The following RNF157 variants were observed in gnomAD, a reference collection of about 807,000 sequenced individuals.
The protein encoded by RNF157 is E3 ubiquitin ligase RNF157.
A neutral mutation model predicts 88.3 loss-of-function variants in RNF157; 55 were observed. That is an observed-to-expected ratio of 0.62 (90% CI 0.50 to 0.78). The LOEUF (loss-of-function observed/expected upper bound fraction) is 0.78. RNF157 is among the 30% of genes least tolerant of loss of function. The probability of loss-of-function intolerance (pLI) is 0.00; values close to 1 mark genes in which losing one functional copy is unlikely to be tolerated. For missense variants in RNF157, 788 were observed against 860.8 expected (o/e 0.92, Z 1.06); for synonymous variants, 334 against 341.2 (o/e 0.98, Z 0.23).
chr17:76,178,024 C>T lies in RNF157; in HGVS notation c.208-4234G>A, dbSNP rs114825143. Among the ~76,000 whole-genome samples the T allele has an allele frequency of 3.3e-3, 503 of 152,322 alleles. 4 individuals are homozygous for T. The highest frequency in any genetic ancestry group is 0.011 in the African/African-American group (476 of 41,568). On this transcript the variant is annotated intron_variant, in intron 2 of 18. Transcript: ENST00000269391. ...TCCAAGGCTCAATAAGGCTCCTCTT[C>T]GTCTTGCTCACCCTATGTTTGTCTG...
In RNF157 at chr17:76,155,267, T is replaced by G; in HGVS notation, c.1749A>C (p.Gly583=). The part of the protein sequence containing the change: ...PDSNFAGLPA[G]EQDAEGNDVI... ...TTGGGGTTACCTCTGCATCCTGCTC[T>G]CCAGCTGGGAGGCCAGCAAAGTTGC... The change falls in exon 16 of 19, where the codon GGA becomes GGC. Residue 583 remains glycine (G), a synonymous_variant. Coordinates refer to ENST00000269391, the MANE Select transcript of RNF157 (RefSeq NM_052916.3). 6.2e-7 allele frequency: 1 copy of G among 1,614,198 alleles called. No individual in the cohort carries two copies. Among genetic ancestry groups the G allele is most frequent in the Non-Finnish European group, 8.5e-7 (1 of 1,179,996 alleles).
At chr17:76,155,759 G>T (rs1317715049) in intron 14 of RNF157, 25 bp from the exon 15 acceptor site, 1 of 1,505,328 alleles carries the variant, frequency 6.6e-7, no homozygotes, top group African/African-American at 1.4e-5. Context: ...GATGGGGAAA[G>T]GAGCCTGGAG....
chr17:76,205,180 C>T (rs891790355), intron 2 of RNF157, among the ~76,000 whole-genome samples: 21 of 150,928 alleles, frequency 1.4e-4, no homozygotes, highest in Non-Finnish European at 2.2e-4. Context: ...GCTCTGTAGC[C>T]CAGGCTAGAG....
At chr17:76,186,721 C>T (rs2069296882) in intron 2 of RNF157, among the ~76,000 whole-genome samples, 1 of 151,944 alleles carries the variant, frequency 6.6e-6, no homozygotes, top group South Asian at 2.1e-4. Flanking sequence ...GGGCAGATAA[C>T]CTGAGGTCAG....
chr17:76,166,565 C>A, intron 5 of RNF157, 38 bp from the exon 6 acceptor site: 1 of 1,545,678 alleles, frequency 6.5e-7, no homozygotes, highest in Non-Finnish European at 8.9e-7. Flanking sequence ...AAAAAGAGGA[C>A]TTAACACATT....
chr17:76,226,393 C>T (rs2070086051), intron 1 of RNF157: 22 of 1,594,956 alleles, frequency 1.4e-5, no homozygotes, highest in Non-Finnish European at 1.9e-5. Context: ...CAATTGGGTT[C>T]ACCATCTGGG....
chr17:76,240,270 C>G lies in RNF157; in HGVS notation c.-30G>C. On this transcript the variant is annotated 5_prime_UTR_variant, in exon 1 of 19. Coordinates refer to ENST00000269391, the MANE Select transcript of RNF157 (RefSeq NM_052916.3). The surrounding 1 kb of genome is among the most constrained non-coding windows in gnomAD (Gnocchi z 4.4). ...GCTGCGGCTGCAGCCCCGGCCCGGC[C>G]CCGGTGCCCGCGCCGCCCTCCGCGC... is the stretch of plus-strand genomic sequence containing the variant. 1.8e-6 allele frequency: 2 copies of G among 1,087,956 alleles called. No homozygotes were observed. Among genetic ancestry groups the G allele is most frequent in the Non-Finnish European group, 2.3e-6 (2 of 888,738 alleles). 67.4% of individuals were successfully genotyped at this position (1,087,956 alleles called of 1,614,324 possible).
At chr17:76,189,734 C>T (rs2069351948) in intron 2 of RNF157, among the ~76,000 whole-genome samples, 1 of 152,148 alleles carries the variant, frequency 6.6e-6, no homozygotes. Flanking sequence ...GTTCTCAGAT[C>T]CTGGAAGCCC....
At chr17:76,217,489 C>T (rs559594177) in intron 1 of RNF157, among the ~76,000 whole-genome samples, 4 of 152,210 alleles carry the variant, frequency 2.6e-5, no homozygotes, top group Admixed American at 2.6e-4. Context: ...CTCAGTCTTT[C>T]TAGAGGGACA....
At chr17:76,189,974 C>T (rs1040945678) in intron 2 of RNF157, among the ~76,000 whole-genome samples, 1 of 152,178 alleles carries the variant, frequency 6.6e-6, no homozygotes, top group African/African-American at 2.4e-5. Flanking sequence ...GCACCTCCCA[C>T]TGGCAGCACA....
At chr17:76,158,598 T>C in intron 12 of RNF157, 97 bp from the exon 13 acceptor site, 1 of 838,126 alleles carries the variant, frequency 1.2e-6, no homozygotes, top group Non-Finnish European at 2.0e-6. Context: ...AAATATTTTT[T>C]GCTTGTTTAT....
intron 1 of RNF157, among the ~76,000 whole-genome samples, chr17:76,237,630 G>A (rs2070303805): frequency 6.6e-6 from 1 of 152,176 alleles, no homozygotes; most frequent in Non-Finnish European, 1.5e-5. Flanking sequence ...AGTATAGTAG[G>A]AAGAACACTA....
At chr17:76,199,827 T>A (rs962226703) in intron 2 of RNF157, among the ~76,000 whole-genome samples, 3 of 152,208 alleles carry the variant, frequency 2.0e-5, no homozygotes, top group African/African-American at 7.2e-5. Context: ...GATAATGTCC[T>A]CATCTTTATT....
intron 2 of RNF157, among the ~76,000 whole-genome samples, chr17:76,189,631 T>C (rs1328871580): frequency 1.3e-5 from 2 of 152,068 alleles, no homozygotes; most frequent in East Asian, 3.9e-4. Flanking sequence ...ATCAGAGAAC[T>C]AAAACACGAA....
intron 2 of RNF157, among the ~76,000 whole-genome samples, chr17:76,182,451 C>CTG (rs5822121): frequency 0.17 from 24,794 of 143,964 alleles, 2,371 homozygotes; most frequent in East Asian, 0.45. Flanking sequence ...CGCATTTAGT[C>CTG]TGTGTGTGTG....
chr17:76,175,430 A>G lies in RNF157; in HGVS notation c.208-1640T>C, dbSNP rs569689417. On this transcript the variant is annotated intron_variant, in intron 2 of 18. Transcript: ENST00000269391. ...AAATTATTTTGCCAAACAGTTTTCCACAAAGCTGACTCCAACTTTGCCCTC... is the reference window on the plus strand; with the variant it reads ...AAATTATTTTGCCAAACAGTTTTCCGCAAAGCTGACTCCAACTTTGCCCTC... Among the ~76,000 whole-genome samples, 6 of 152,260 alleles carry G rather than the reference A, an allele frequency of 3.9e-5. 1 individual carries two copies. In the East Asian group the frequency reaches 1.2e-3, roughly 29 times the overall value.
At chr17:76,207,918 C>A (rs1297044204) in intron 2 of RNF157, among the ~76,000 whole-genome samples, 1 of 152,248 alleles carries the variant, frequency 6.6e-6, no homozygotes, top group Non-Finnish European at 1.5e-5. Context: ...CACTGCCACT[C>A]GTCTACTTTT....
intron 1 of RNF157, among the ~76,000 whole-genome samples, chr17:76,224,901 G>T (rs2070052961): frequency 6.6e-6 from 1 of 152,222 alleles, no homozygotes; most frequent in Non-Finnish European, 1.5e-5. Flanking sequence ...GCTGGGAGCA[G>T]TGGCTCATGC....
At chr17:76,158,537 C>A in intron 12 of RNF157, 36 bp from the exon 13 acceptor site, 1 of 1,435,544 alleles carries the variant, frequency 7.0e-7, no homozygotes, top group African/African-American at 1.4e-5. Flanking sequence ...CTATATCCAA[C>A]GTCCATTTAA....
Sources: gnomAD v4.1 joint callset for allele counts (sites outside exome capture counted in the v4.1 genomes callset) on GRCh38, gnomAD v4.1.1 for gene constraint, Gnocchi (gnomAD v3.1) non-coding constraint, MANE v1.5 for transcripts, NCBI Gene and HGNC (gene_info 2026-07-23, HGNC 2026-07-21) for gene names.